Variants in SYT17 observed in about 807,000 individuals in gnomAD.
SYT17 encodes synaptotagmin-17.
Under a neutral mutation model 46.7 loss-of-function variants are expected in SYT17, and 22 were observed. The ratio of observed to expected loss-of-function variants is 0.47; its 90% CI spans 0.34 to 0.67. The LOEUF is 0.67. Among genes scored for constraint, SYT17 ranks in the 30% least tolerant of loss-of-function variants. The pLI is 0.01. For missense variants in SYT17, 519 were observed against 612.8 expected, an observed-to-expected ratio of 0.85 and a Z score of 1.62; for synonymous variants, 251 against 248.4, an observed-to-expected ratio of 1.01 and a Z score of -0.10.
At chr16:19,248,115 T>C (rs927669835) in intron 7 of SYT17, among the ~76,000 whole-genome samples, 1 of 152,262 alleles carries the variant, frequency 6.6e-6, no homozygotes, top group East Asian at 1.9e-4. Context: ...AAGAAGCATA[T>C]GAAAAGATGC....
chr16:19,237,531 C>A (rs1315385969), intron 7 of SYT17, among the ~76,000 whole-genome samples: 1 of 152,210 alleles, frequency 6.6e-6, no homozygotes, highest in South Asian at 2.1e-4. Context: ...GACCCGACAA[C>A]CCAAAAGTTA....
intron 1 of SYT17, chr16:19,170,543 G>A (rs1317843564): frequency 6.6e-6 from 1 of 152,070 alleles, no homozygotes; most frequent in Non-Finnish European, 1.5e-5. Context: ...GCCTGGGAAT[G>A]TCAGGGCACC....
chr16:19,183,740 A>G lies in SYT17; in HGVS notation c.544A>G (p.Lys182Glu). 1.2e-6 allele frequency: 2 copies of G among 1,614,190 alleles called. No homozygotes were observed. The highest frequency in any genetic ancestry group is 1.7e-6 in the Non-Finnish European group (2 of 1,180,024). Residue 182 changes from lysine to glutamate, a missense_variant, in exon 5 of 8, where the codon AAG (lysine) becomes GAG (glutamate). Coordinates refer to ENST00000355377, the MANE Select transcript of SYT17 (RefSeq NM_016524.4). This position sits in a 1 kb window ranked among gnomAD's most constrained non-coding sequence, Gnocchi z 5.6. ...TCTGACAGACGAGGAGATCCTGTCC[A>G]AGTACCAGCTGGGCATGCTGCACTT... ...DSLTDEEILS[K>E]YQLGMLHFST...
chr16:19,223,200 A>T (rs1351036724), intron 6 of SYT17, 35 bp downstream of exon 6: 3 of 1,607,526 alleles, frequency 1.9e-6, no homozygotes, highest in Admixed American at 1.7e-5. Flanking sequence ...TCACTTTATT[A>T]ATGGGGCATC....
intron 3 of SYT17, among the ~76,000 whole-genome samples, chr16:19,177,062 T>A (rs1173256126): frequency 6.6e-6 from 1 of 152,160 alleles, no homozygotes; most frequent in Non-Finnish European, 1.5e-5. Context: ...TGTTGAGTGT[T>A]ACAGATGCAC....
At chr16:19,190,900 A>G (rs1964991534) in intron 5 of SYT17, among the ~76,000 whole-genome samples, 1 of 151,968 alleles carries the variant, frequency 6.6e-6, no homozygotes, top group South Asian at 2.1e-4. Context: ...GCTATTATAA[A>G]TAATACTGCT....
chr16:19,249,709 A>G (rs559816878), intron 7 of SYT17, among the ~76,000 whole-genome samples: 5 of 152,328 alleles, frequency 3.3e-5, no homozygotes, highest in Admixed American at 2.6e-4. Flanking sequence ...CAGTGTGCTC[A>G]TTGGTACAAA....
Position 19,252,452 on chromosome 16 carries a change from T to C in SYT17, c.1229-14428T>C, listed in dbSNP as rs1180423843. 7.2e-4 allele frequency among the ~76,000 whole-genome samples: 8 copies of C among 11,154 alleles called. 4 individuals are homozygous for C. The highest frequency in any genetic ancestry group is 1.1e-3 in the Non-Finnish European group (8 of 7,412). 7.3% of individuals were successfully genotyped at this position (11,154 alleles called of 152,430 possible). The stretch of plus-strand genomic sequence containing the variant: ...ACATATATATACATATATATACACA[T>C]ATATACATATATATATACATATATA... On this transcript the variant is annotated intron_variant, in intron 7 of 7. Coordinates refer to ENST00000355377, the MANE Select transcript of SYT17 (RefSeq NM_016524.4).
chr16:19,195,651 T>C (rs1483631518), intron 5 of SYT17, among the ~76,000 whole-genome samples: 2 of 151,832 alleles, frequency 1.3e-5, no homozygotes, highest in Non-Finnish European at 2.9e-5. Flanking sequence ...ACCCGAGAAG[T>C]GGAGGTTACA....
At chr16:19,201,799 G>A (rs75176990) in intron 5 of SYT17, among the ~76,000 whole-genome samples, 2,210 of 152,112 alleles carry the variant, frequency 0.015, 55 homozygotes, top group African/African-American at 0.05. Context: ...CCACTGACAC[G>A]TTCATTCATT....
At chr16:19,220,372 G>A (rs1244119885) in intron 5 of SYT17, among the ~76,000 whole-genome samples, 5 of 135,844 alleles carry the variant, frequency 3.7e-5, no homozygotes, top group African/African-American at 1.4e-4. Context: ...GTGTGATTTC[G>A]GCTCACTGCA....
Position 19,185,898 on chromosome 16 carries a change from A to AGC in SYT17, c.951+1751_951+1752insGC, listed in dbSNP as rs2142611917. ...TCGCCTTCCAGTGCACTAAGCGGTA[A>AGC]TCACACCTGGTGAATATCTAATTGG... On this transcript the variant is annotated intron_variant, in intron 5 of 7. Coordinates refer to ENST00000355377, the MANE Select transcript of SYT17 (RefSeq NM_016524.4). 2.6e-5 allele frequency among the ~76,000 whole-genome samples: 4 copies of AGC among 152,326 alleles called. No individual in the cohort carries two copies. In the South Asian group the frequency reaches 8.3e-4, roughly 32 times the overall value.
chr16:19,174,839 G>A (rs1207409418), intron 3 of SYT17, among the ~76,000 whole-genome samples: 1 of 152,204 alleles, frequency 6.6e-6, no homozygotes, highest in Non-Finnish European at 1.5e-5. Flanking sequence ...AACTCTGGCT[G>A]GGCGCAGTGG....
At chr16:19,263,124 C>T (rs1013956409) in intron 7 of SYT17, among the ~76,000 whole-genome samples, 8 of 150,142 alleles carry the variant, frequency 5.3e-5, no homozygotes, top group African/African-American at 2.0e-4. Flanking sequence ...TTGGTGTATA[C>T]GATTCAGTGC....
intron 7 of SYT17, among the ~76,000 whole-genome samples, chr16:19,246,602 G>A (rs1967593212): frequency 6.6e-6 from 1 of 152,262 alleles, no homozygotes; most frequent in Admixed American, 6.5e-5. Context: ...GTACACATAT[G>A]TGTGTGCGTG....
chr16:19,178,101 T>TG lies in SYT17; in HGVS notation c.183-2289dup, dbSNP rs1964387279. Among the ~76,000 whole-genome samples the TG allele has an allele frequency of 2.0e-5, 3 of 152,006 alleles. No individual in the cohort carries two copies. In the South Asian group the frequency reaches 6.2e-4, roughly 31 times the overall value. On this transcript the variant is annotated intron_variant, in intron 3 of 7. Transcript: ENST00000355377. Reference sequence around the variant, plus strand: ...CAAGTGATTCTCCTTTTTTTTTTTTTGAGACGGAGTCTAGCTCTGTCGCCC... The same window carrying TG: ...CAAGTGATTCTCCTTTTTTTTTTTTTGGAGACGGAGTCTAGCTCTGTCGCCC...
intron 7 of SYT17, among the ~76,000 whole-genome samples, chr16:19,258,708 G>C (rs2143000790): frequency 6.6e-6 from 1 of 152,294 alleles, no homozygotes; most frequent in Middle Eastern, 3.4e-3. Context: ...TATTTAGTGT[G>C]AGATGATAGG....
Position 19,206,331 on chromosome 16 carries a change from G to A in SYT17, c.952-16714G>A, listed in dbSNP as rs559389076. ...GCCTTCTCCACTAGAACTTCATGGG[G>A]TATATATATGGTATGTGTCCTCCTT... On this transcript the variant is annotated intron_variant, in intron 5 of 7. Coordinates refer to ENST00000355377, the MANE Select transcript of SYT17 (RefSeq NM_016524.4). Among the ~76,000 whole-genome samples the A allele has an allele frequency of 2.6e-3, 403 of 152,250 alleles. 1 individual carries two copies. Among genetic ancestry groups the A allele is most frequent in the Non-Finnish European group, 3.2e-3 (221 of 68,012 alleles).
intron 5 of SYT17, among the ~76,000 whole-genome samples, chr16:19,198,241 C>T (rs1000981870): frequency 3.3e-5 from 5 of 152,110 alleles, no homozygotes; most frequent in Non-Finnish European, 5.9e-5. Flanking sequence ...TAAAGATTTA[C>T]CACCACAACA....
Sources: allele counts gnomAD v4.1 joint callset (sites outside exome capture counted in the v4.1 genomes callset), GRCh38; gene constraint gnomAD v4.1.1; non-coding constraint Gnocchi (gnomAD v3.1); transcripts MANE v1.5; gene names NCBI Gene and HGNC (gene_info 2026-07-23, HGNC 2026-07-21).